Variants in WWOX observed in about 807,000 individuals in gnomAD.
WWOX encodes the protein WW domain-containing oxidoreductase.
WWOX carries 69 observed loss-of-function variants against 46.2 expected under a neutral mutation model. That is an observed-to-expected ratio of 1.49 (90% CI 1.23 to 1.82). The LOEUF (loss-of-function observed/expected upper bound fraction) is 1.82. Ranked by LOEUF, WWOX falls within the 40% of genes most tolerant of loss-of-function variation. WWOX has a pLI of 0.00. For synonymous variants in WWOX, 359 were observed against 202.6 expected, an observed-to-expected ratio of 1.77 and a Z score of -6.56; for missense variants, 919 against 542.6, an observed-to-expected ratio of 1.69 and a Z score of -6.89.
chr16:79,093,533 G>T (rs545325235), intron 8 of WWOX, among the ~76,000 whole-genome samples: 2 of 152,048 alleles, frequency 1.3e-5, no homozygotes, highest in Non-Finnish European at 2.9e-5. Context: ...TCATTTAACA[G>T]TCACAGTGGC....
chr16:78,540,016 T>TCACACACACA (rs748514681), intron 8 of WWOX, among the ~76,000 whole-genome samples: 100 of 120,814 alleles, frequency 8.3e-4, no homozygotes, highest in African/African-American at 2.3e-3. Flanking sequence ...TCTCTCTCTC[T>TCACACACACA]CTCTCACACA....
At chr16:78,375,732 A>G (rs2081805311) in intron 5 of WWOX, among the ~76,000 whole-genome samples, 1 of 152,178 alleles carries the variant, frequency 6.6e-6, no homozygotes, top group South Asian at 2.1e-4. Flanking sequence ...GAAAAAAATT[A>G]TAGTTTCCTA....
chr16:78,365,282 A>G (rs1314971580), intron 5 of WWOX, among the ~76,000 whole-genome samples: 4 of 152,052 alleles, frequency 2.6e-5, no homozygotes, highest in Admixed American at 6.6e-5. Context: ...TGGAAGTGAA[A>G]CCGCTGGAGG....
At chr16:78,658,414 T>C (rs2047129969) in intron 8 of WWOX, among the ~76,000 whole-genome samples, 1 of 152,192 alleles carries the variant, frequency 6.6e-6, no homozygotes, top group African/African-American at 2.4e-5. Context: ...TGTAATGTAG[T>C]GTAGTTTCCC....
chr16:78,669,518 C>A (rs1434391149), intron 8 of WWOX, among the ~76,000 whole-genome samples: 2 of 152,166 alleles, frequency 1.3e-5, no homozygotes, highest in Non-Finnish European at 2.9e-5. Flanking sequence ...ATCCTACAAT[C>A]CATAGGACAG....
At chr16:78,802,910 C>A (rs1411086764) in intron 8 of WWOX, among the ~76,000 whole-genome samples, 2 of 47,748 alleles carry the variant, frequency 4.2e-5, no homozygotes, top group African/African-American at 7.2e-5. Flanking sequence ...AGCAAGACTT[C>A]ATCTGAAAAA....
chr16:78,398,007 G>T (rs1166929049), intron 6 of WWOX, among the ~76,000 whole-genome samples: 1 of 152,204 alleles, frequency 6.6e-6, no homozygotes, highest in African/African-American at 2.4e-5. Context: ...ACTGTCATTT[G>T]CATCATCTTT....
At chr16:78,265,284 C>G (rs1281170760) in intron 5 of WWOX, among the ~76,000 whole-genome samples, 2 of 152,122 alleles carry the variant, frequency 1.3e-5, no homozygotes, top group Non-Finnish European at 2.9e-5. Flanking sequence ...CATAAGCCAC[C>G]TCACCCAGCC....
chr16:78,198,920 G>A (rs1260890880), intron 5 of WWOX, among the ~76,000 whole-genome samples: 1 of 152,086 alleles, frequency 6.6e-6, no homozygotes, highest in East Asian at 1.9e-4. Context: ...TTTCTCATAA[G>A]AAGAGGCTGT....
intron 8 of WWOX, among the ~76,000 whole-genome samples, chr16:78,905,543 A>G (rs2044940185): frequency 6.6e-6 from 1 of 152,034 alleles, no homozygotes; most frequent in African/African-American, 2.4e-5. Flanking sequence ...CACCACACCT[A>G]GTTAATTTTT....
chr16:78,664,114 G>C (rs1015192577), intron 8 of WWOX, among the ~76,000 whole-genome samples: 1 of 152,212 alleles, frequency 6.6e-6, no homozygotes, highest in Non-Finnish European at 1.5e-5. Flanking sequence ...AAAGCTAAAG[G>C]ATATGCTGGG....
chr16:78,218,185 G>T (rs1415881199), intron 5 of WWOX, among the ~76,000 whole-genome samples: 1 of 152,140 alleles, frequency 6.6e-6, no homozygotes, highest in South Asian at 2.1e-4. Flanking sequence ...CTCCCGAGTA[G>T]CTTGTACTGC....
At chr16:79,150,473 TG>T (rs764243486) in intron 8 of WWOX, among the ~76,000 whole-genome samples, 75 of 152,144 alleles carry the variant, frequency 4.9e-4, no homozygotes, top group Non-Finnish European at 8.7e-4. Flanking sequence ...GCTAAATCTA[TG>T]TCCCCAATAT....
chr16:78,162,876 G>A (rs140849972), intron 4 of WWOX, among the ~76,000 whole-genome samples: 11 of 152,012 alleles, frequency 7.2e-5, no homozygotes, highest in African/African-American at 2.7e-4. Context: ...GCTGTGTCTT[G>A]TATTCTGTTA....
intron 4 of WWOX, among the ~76,000 whole-genome samples, chr16:78,121,795 G>C (rs946882977): frequency 6.6e-6 from 1 of 151,740 alleles, no homozygotes; most frequent in African/African-American, 2.4e-5. Flanking sequence ...CTGAGTAGCT[G>C]GGATTACAGG....
At chr16:79,046,804 G>T (rs931686838) in intron 8 of WWOX, among the ~76,000 whole-genome samples, 1 of 152,084 alleles carries the variant, frequency 6.6e-6, no homozygotes, top group African/African-American at 2.4e-5. Context: ...TTGTCCCCCA[G>T]GCCTGCACTA....
At chr16:78,919,868 C>T (rs182263675) in intron 8 of WWOX, among the ~76,000 whole-genome samples, 91 of 152,232 alleles carry the variant, frequency 6.0e-4, no homozygotes, top group Admixed American at 5.8e-3. Flanking sequence ...TGTGCCAAAG[C>T]GTCTGCAGAC....
chr16:78,782,773 AT>A (rs1458828609), intron 8 of WWOX, among the ~76,000 whole-genome samples: 1 of 148,932 alleles, frequency 6.7e-6, no homozygotes, highest in Non-Finnish European at 1.5e-5. Context: ...CATATGCTGT[AT>A]TTTATAAATA....
At chr16:78,900,997 T>G (rs1283934802) in intron 8 of WWOX, among the ~76,000 whole-genome samples, 1 of 152,324 alleles carries the variant, frequency 6.6e-6, no homozygotes, top group East Asian at 1.9e-4. Flanking sequence ...CGTTCATATT[T>G]TGAAGTTTCC....
Sources: allele counts gnomAD v4.1 joint callset (sites outside exome capture counted in the v4.1 genomes callset), GRCh38; gene constraint gnomAD v4.1.1; transcripts MANE v1.5; gene names NCBI Gene and HGNC (gene_info 2026-07-23, HGNC 2026-07-21).